Variants in CDH13 observed in about 807,000 individuals in gnomAD.
CDH13 encodes cadherin-13.
In CDH13, 24 loss-of-function variants were observed where a neutral mutation model predicts 63.8. The observed-to-expected ratio is 0.38, with a 90% confidence interval of 0.27 to 0.53. CDH13 has a LOEUF of 0.53. CDH13 is among the 20% of genes least tolerant of loss of function. CDH13 has a pLI of 0.85. For missense variants in CDH13, 1,049 were observed against 903.1 expected (o/e 1.16, Z -2.07); for synonymous variants, 503 against 355.3 (o/e 1.42, Z -4.67).
Position 83,798,242 on chromosome 16 carries a change from G to A in CDH13, c.*3212G>A, listed in dbSNP as rs1178091152. 1 of 152,210 alleles carries A rather than the reference G, an allele frequency of 6.6e-6. No homozygotes were observed. Among genetic ancestry groups the A allele is most frequent in the Non-Finnish European group, 1.5e-5 (1 of 68,048 alleles). 9.4% of individuals were successfully genotyped at this position (152,210 alleles called of 1,614,324 possible). On this transcript the variant is annotated 3_prime_UTR_variant, in exon 14 of 14. Coordinates refer to ENST00000567109, the MANE Select transcript of CDH13 (RefSeq NM_001257.5). ...ATACACTGGGTCTTAATCTTAAGAT[G>A]TGACAACTAAAAAATTTTTAACAAG...
intron 4 of CDH13, among the ~76,000 whole-genome samples, chr16:83,213,169 G>C (rs1400241735): frequency 6.6e-6 from 1 of 152,186 alleles, no homozygotes; most frequent in Non-Finnish European, 1.5e-5. Flanking sequence ...TGGGGAATAA[G>C]TAATTTCAAT....
intron 6 of CDH13, among the ~76,000 whole-genome samples, chr16:83,376,949 G>T (rs2091470852): frequency 6.6e-6 from 1 of 152,290 alleles, no homozygotes; most frequent in African/African-American, 2.4e-5. Context: ...AGACTGCCCT[G>T]TGTGGAGATG....
In CDH13 at chr16:83,240,187, G is replaced by A. The variant is rs1215164216; in HGVS notation, c.636+22690G>A. Among the ~76,000 whole-genome samples, 4 of 152,164 alleles carry A rather than the reference G, an allele frequency of 2.6e-5. No individual in the cohort carries two copies. The East Asian group carries it at 7.7e-4, about 29-fold the overall frequency. On this transcript the variant is annotated intron_variant, in intron 5 of 13. Coordinates refer to ENST00000567109, the MANE Select transcript of CDH13 (RefSeq NM_001257.5). ...GTACCCCTCATTTCTTTTTTCAGCA[G>A]GCCGTGACCCCTTCTTGGCAACCCT...
intron 1 of CDH13, among the ~76,000 whole-genome samples, chr16:82,715,949 G>C (rs1597390735): frequency 6.6e-6 from 1 of 152,258 alleles, no homozygotes; most frequent in East Asian, 1.9e-4. Context: ...GAGCTCTTTG[G>C]TAGAAACTAA....
intron 1 of CDH13, among the ~76,000 whole-genome samples, chr16:82,661,397 T>G (rs8049308): frequency 6.6e-6 from 1 of 152,096 alleles, no homozygotes; most frequent in Non-Finnish European, 1.5e-5. Context: ...TTAAATATTG[T>G]TTGTCCTGCT....
intron 1 of CDH13, among the ~76,000 whole-genome samples, chr16:82,793,136 G>A (rs1177787341): frequency 6.6e-6 from 1 of 152,206 alleles, no homozygotes; most frequent in African/African-American, 2.4e-5. Context: ...CCATGAAATG[G>A]AGGCACCAGA....
chr16:83,535,524 C>A (rs1420512326), intron 7 of CDH13, among the ~76,000 whole-genome samples: 1 of 152,154 alleles, frequency 6.6e-6, no homozygotes, highest in African/African-American at 2.4e-5. Flanking sequence ...CAGTCACAGG[C>A]ATCTGTGACT....
At chr16:83,538,921 G>A (rs2075247412) in intron 7 of CDH13, among the ~76,000 whole-genome samples, 1 of 152,102 alleles carries the variant, frequency 6.6e-6, no homozygotes, top group East Asian at 1.9e-4. Flanking sequence ...CAAATATCAT[G>A]CCAATCTACA....
chr16:82,709,798 G>C (rs977575457), intron 1 of CDH13, among the ~76,000 whole-genome samples: 3 of 152,142 alleles, frequency 2.0e-5, no homozygotes, highest in Admixed American at 6.5e-5. Context: ...GTGGCAGAGA[G>C]AGAAGAGGTA....
intron 1 of CDH13, among the ~76,000 whole-genome samples, chr16:82,770,500 C>T (rs2151095964): frequency 6.6e-6 from 1 of 152,244 alleles, no homozygotes; most frequent in Non-Finnish European, 1.5e-5. Flanking sequence ...CATCAAAAAT[C>T]ATATATTCAC....
chr16:83,422,976 A>G (rs2071761778), intron 6 of CDH13, among the ~76,000 whole-genome samples: 1 of 152,224 alleles, frequency 6.6e-6, no homozygotes, highest in African/African-American at 2.4e-5. Flanking sequence ...TACTAGGAAT[A>G]CAAAGGTAAA....
intron 4 of CDH13, among the ~76,000 whole-genome samples, chr16:83,191,509 A>ATATATATATATATATG (rs1280270705): frequency 7.5e-5 from 4 of 53,466 alleles, no homozygotes; most frequent in Non-Finnish European, 1.6e-4. Context: ...ATATATACAC[A>ATATATATATATATATG]CACACACACA....
intron 10 of CDH13, among the ~76,000 whole-genome samples, chr16:83,737,602 A>T (rs1195240878): frequency 2.0e-5 from 3 of 152,170 alleles, no homozygotes; most frequent in Non-Finnish European, 4.4e-5. Context: ...TGGGACATAG[A>T]CCTGGTTTCC....
intron 7 of CDH13, among the ~76,000 whole-genome samples, chr16:83,534,950 A>G (rs1020585936): frequency 1.3e-5 from 2 of 152,258 alleles, no homozygotes; most frequent in African/African-American, 4.8e-5. Flanking sequence ...TTATAGGACA[A>G]TCTGAAGAAA....
chr16:83,065,168 C>G (rs1478908447), intron 3 of CDH13, among the ~76,000 whole-genome samples: 1 of 152,180 alleles, frequency 6.6e-6, no homozygotes, highest in Non-Finnish European at 1.5e-5. Context: ...TGGTGATATA[C>G]TGGACAGCAC....
At chr16:83,484,444 A>G (rs1484070261) in intron 6 of CDH13, among the ~76,000 whole-genome samples, 3 of 152,240 alleles carry the variant, frequency 2.0e-5, no homozygotes, top group Non-Finnish European at 4.4e-5. Flanking sequence ...ATAAAAAGTT[A>G]TGGTTAGGCA....
chr16:82,630,834 G>C (rs996701411), intron 1 of CDH13, among the ~76,000 whole-genome samples: 1 of 152,162 alleles, frequency 6.6e-6, no homozygotes, highest in Non-Finnish European at 1.5e-5. Context: ...CTGTGTGCGC[G>C]TCTGAGTGAG....
At chr16:82,992,954 G>A (rs555482474) in intron 2 of CDH13, among the ~76,000 whole-genome samples, 3 of 152,090 alleles carry the variant, frequency 2.0e-5, no homozygotes, top group East Asian at 1.9e-4. Context: ...ACCACCCCAC[G>A]TGTCCATCTG....
chr16:83,589,827 G>A (rs531419558), intron 7 of CDH13, among the ~76,000 whole-genome samples: 1 of 152,220 alleles, frequency 6.6e-6, no homozygotes, highest in African/African-American at 2.4e-5. Context: ...GAGTGACTCT[G>A]GGAAGACAAA....
Sources: allele counts gnomAD v4.1 joint callset (sites outside exome capture counted in the v4.1 genomes callset), GRCh38; gene constraint gnomAD v4.1.1; transcripts MANE v1.5; gene names NCBI Gene and HGNC (gene_info 2026-07-23, HGNC 2026-07-21).